Variants in ADAM23 observed in about 807,000 individuals in gnomAD.
The protein encoded by ADAM23 is ADAM metallopeptidase domain 23.
ADAM23 carries 33 observed loss-of-function variants against 120.1 expected under a neutral mutation model. The ratio of observed to expected loss-of-function variants is 0.27; its 90% CI spans 0.21 to 0.37. The LOEUF (loss-of-function observed/expected upper bound fraction) is 0.37. ADAM23 is among the 10% of genes least tolerant of loss of function. The probability of loss-of-function intolerance (pLI) is 1.00; values close to 1 mark genes in which losing one functional copy is unlikely to be tolerated. For missense variants in ADAM23, 862 were observed against 1,058.2 expected (o/e 0.81, Z 2.57); for synonymous variants, 367 against 375.2 (o/e 0.98, Z 0.25).
chr2:206,484,753 C>T (rs993730194), intron 3 of ADAM23, among the ~76,000 whole-genome samples: 14 of 152,174 alleles, frequency 9.2e-5, no homozygotes, highest in Middle Eastern at 3.2e-3. Flanking sequence ...TTGGCTGTGT[C>T]CCTACCCAAA....
At chr2:206,519,485 T>C (rs1322837289) in intron 3 of ADAM23, among the ~76,000 whole-genome samples, 1 of 152,148 alleles carries the variant, frequency 6.6e-6, no homozygotes, top group African/African-American at 2.4e-5. Flanking sequence ...CTATGAAATG[T>C]GCTCAGAAGG....
chr2:206,611,584 G>A (rs967975179), intron 25 of ADAM23, among the ~76,000 whole-genome samples: 8 of 152,064 alleles, frequency 5.3e-5, no homozygotes, highest in African/African-American at 1.7e-4. Context: ...GCCTCATTTG[G>A]CGTTAAGAAA....
At chr2:206,498,271 C>A (rs1330866069) in intron 3 of ADAM23, among the ~76,000 whole-genome samples, 1 of 152,154 alleles carries the variant, frequency 6.6e-6, no homozygotes, top group Non-Finnish European at 1.5e-5. Context: ...CTACAGTAAC[C>A]AAAACAGCAT....
At chr2:206,508,305 C>G (rs543014301) in intron 3 of ADAM23, among the ~76,000 whole-genome samples, 15 of 152,282 alleles carry the variant, frequency 9.9e-5, no homozygotes, top group African/African-American at 3.4e-4. Context: ...GGATTACAGG[C>G]GTGAGCCACT....
chr2:206,615,475 A>G (rs1477043261), intron 25 of ADAM23, among the ~76,000 whole-genome samples: 1 of 152,230 alleles, frequency 6.6e-6, no homozygotes, highest in Non-Finnish European at 1.5e-5. Flanking sequence ...CGTTCTCAAC[A>G]TACAGTGACT....
rs772718311 is a variant in ADAM23 at position 206,538,580 on chromosome 2, T to C, written c.574-3472T>C. Among the ~76,000 whole-genome samples the C allele has an allele frequency of 2.0e-5, 3 of 152,210 alleles. No individual in the cohort carries two copies. The South Asian group carries it at 6.2e-4, about 32-fold the overall frequency. ...GGAATAGATTGAAAATATCAGTGTA[T>C]GGTCACTATCAATGTCCAGGTTTTT... On this transcript the variant is annotated intron_variant, in intron 4 of 25. Coordinates refer to ENST00000264377, the MANE Select transcript of ADAM23 (RefSeq NM_003812.4).
chr2:206,444,065 G>T lies in ADAM23; in HGVS notation c.199G>T (p.Ala67Ser), dbSNP rs889778453. The change falls in exon 1 of 26, where the codon GCT becomes TCT. Residue 67 changes from alanine (A) to serine (S), a missense_variant. By Grantham distance (99) the Ala-to-Ser change is moderately conservative. Coordinates refer to ENST00000264377, the MANE Select transcript of ADAM23 (RefSeq NM_003812.4). ...AASSRPRAWG[A>S]AAPSAPHWNE... ...CTCGTCCCGGCCCCGCGCCTGGGGG[G>T]CTGCTGCGCCCAGCGGTGGGTATGG... is the stretch of plus-strand genomic sequence containing the variant. 1.5e-6 allele frequency: 2 copies of T among 1,375,766 alleles called. No homozygotes were observed. The highest frequency in any genetic ancestry group is 1.5e-5 in the African/African-American group (1 of 66,752). 85.2% of individuals were successfully genotyped at this position (1,375,766 alleles called of 1,614,324 possible).
chr2:206,615,311 A>T (rs1698915020), intron 25 of ADAM23, among the ~76,000 whole-genome samples: 1 of 152,238 alleles, frequency 6.6e-6, no homozygotes, highest in South Asian at 2.1e-4. Context: ...CTTACAGGTT[A>T]TGAGAAAGTT....
chr2:206,559,916 G>T, intron 10 of ADAM23, 39 bp from the exon 11 acceptor site: 2 of 1,571,526 alleles, frequency 1.3e-6, no homozygotes, highest in South Asian at 2.4e-5. Context: ...GTTTGACCCA[G>T]TGTTTTCCTC....
chr2:206,480,146 T>G (rs752979509), intron 2 of ADAM23, among the ~76,000 whole-genome samples: 69 of 152,246 alleles, frequency 4.5e-4, no homozygotes, highest in Non-Finnish European at 8.4e-4. Flanking sequence ...TCCAAAGCCC[T>G]GAACGTGAAG....
chr2:206,518,958 C>T (rs1696789395), intron 3 of ADAM23, among the ~76,000 whole-genome samples: 1 of 152,124 alleles, frequency 6.6e-6, no homozygotes. Flanking sequence ...TCCTCAACTT[C>T]CAGTTTAGCC....
intron 10 of ADAM23, 92 bp from the exon 11 acceptor site, chr2:206,559,863 C>T: frequency 1.8e-6 from 2 of 1,128,404 alleles, no homozygotes; most frequent in Admixed American, 2.3e-5. Context: ...TCTCACCTCC[C>T]CCTTCCTGTC....
chr2:206,541,071 C>T (rs1257405397), intron 4 of ADAM23, among the ~76,000 whole-genome samples: 2 of 151,286 alleles, frequency 1.3e-5, no homozygotes, highest in Non-Finnish European at 2.9e-5. Flanking sequence ...GAGGCTGAGG[C>T]AGGAGAATCT....
chr2:206,602,433 T>A (rs1413039252), intron 24 of ADAM23, among the ~76,000 whole-genome samples: 1 of 152,202 alleles, frequency 6.6e-6, no homozygotes, highest in African/African-American at 2.4e-5. Flanking sequence ...TGGAGCTACA[T>A]ACCAATATTA....
intron 2 of ADAM23, among the ~76,000 whole-genome samples, chr2:206,458,510 A>G (rs1695348195): frequency 6.6e-6 from 1 of 152,242 alleles, no homozygotes; most frequent in Non-Finnish European, 1.5e-5. Flanking sequence ...GATGTCTCAG[A>G]GGCTGCAAGC....
chr2:206,613,797 A>G (rs1489532887), intron 25 of ADAM23, among the ~76,000 whole-genome samples: 5 of 152,210 alleles, frequency 3.3e-5, no homozygotes, highest in Non-Finnish European at 7.3e-5. Flanking sequence ...ATCTCCATTT[A>G]AAAGTGAACA....
At chr2:206,449,969 G>A (rs563314784) in intron 2 of ADAM23, among the ~76,000 whole-genome samples, 1 of 152,286 alleles carries the variant, frequency 6.6e-6, no homozygotes, top group Admixed American at 6.5e-5. Flanking sequence ...AGAGAGAAGA[G>A]AGAGAAGTTT....
At chr2:206,494,748 C>CA (rs1696203114) in intron 3 of ADAM23, among the ~76,000 whole-genome samples, 1 of 152,138 alleles carries the variant, frequency 6.6e-6, no homozygotes, top group Non-Finnish European at 1.5e-5. Context: ...ACAGCTTTAA[C>CA]AGCCAGAAGT....
chr2:206,519,826 A>G (rs576430539), intron 3 of ADAM23, among the ~76,000 whole-genome samples: 1 of 152,190 alleles, frequency 6.6e-6, no homozygotes, highest in African/African-American at 2.4e-5. Flanking sequence ...AGCCTGGGGA[A>G]GATAGTGAGA....
Sources: allele counts gnomAD v4.1 joint callset (sites outside exome capture counted in the v4.1 genomes callset), GRCh38; gene constraint gnomAD v4.1.1; transcripts MANE v1.5; gene names NCBI Gene and HGNC (gene_info 2026-07-23, HGNC 2026-07-21).